The following NCKAP1 variants were observed in gnomAD, a reference collection of about 807,000 sequenced individuals.
The protein encoded by NCKAP1 is NCK associated protein 1.
Under a neutral mutation model 151.2 loss-of-function variants are expected in NCKAP1, and 21 were observed. The ratio of observed to expected loss-of-function variants is 0.14; its 90% CI spans 0.10 to 0.20. The LOEUF (loss-of-function observed/expected upper bound fraction) is 0.20. Among genes scored for constraint, NCKAP1 ranks in the 10% least tolerant of loss-of-function variants. NCKAP1 has a pLI of 1.00. For missense variants in NCKAP1, 933 were observed against 1,352.1 expected, an observed-to-expected ratio of 0.69 and a Z score of 4.86; for synonymous variants, 484 against 451.8, an observed-to-expected ratio of 1.07 and a Z score of -0.90.
chr2:182,950,123 T>C (rs1269664528), intron 23 of NCKAP1, among the ~76,000 whole-genome samples: 1 of 151,990 alleles, frequency 6.6e-6, no homozygotes, highest in Non-Finnish European at 1.5e-5. Flanking sequence ...TAGTTTGAAA[T>C]GACACAACAG....
chr2:182,960,330 T>A (rs1043310380), intron 18 of NCKAP1, among the ~76,000 whole-genome samples: 1 of 152,204 alleles, frequency 6.6e-6, no homozygotes, highest in Non-Finnish European at 1.5e-5. Flanking sequence ...GACTTCAAAC[T>A]ATATTACAAG....
intron 16 of NCKAP1, among the ~76,000 whole-genome samples, chr2:182,966,437 C>G (rs1356861034): frequency 2.0e-5 from 3 of 152,028 alleles, no homozygotes; most frequent in African/African-American, 7.2e-5. Flanking sequence ...CAGGCACACA[C>G]CACCACGTCC....
At chr2:182,962,138 T>C (rs376924289) in intron 18 of NCKAP1, 21 bp downstream of exon 18, 9 of 1,566,784 alleles carry the variant, frequency 5.7e-6, no homozygotes, top group Non-Finnish European at 7.8e-6. Context: ...TCCTATCTGT[T>C]GGAAACACTT....
intron 1 of NCKAP1, among the ~76,000 whole-genome samples, chr2:183,030,604 G>A (rs1166991143): frequency 6.6e-6 from 1 of 152,062 alleles, no homozygotes; most frequent in Admixed American, 6.6e-5. Context: ...ATTTAGACTC[G>A]AAAGAGGAAT....
intron 26 of NCKAP1, 56 bp from the exon 27 acceptor site, chr2:182,930,844 A>G: frequency 1.4e-6 from 2 of 1,471,372 alleles, no homozygotes; most frequent in Non-Finnish European, 1.9e-6. Context: ...TTTCTGAGAA[A>G]GCTCACTGTT....
intron 23 of NCKAP1, among the ~76,000 whole-genome samples, chr2:182,945,194 C>T (rs565265162): frequency 4.0e-5 from 6 of 151,778 alleles, no homozygotes; most frequent in Non-Finnish European, 8.8e-5. Flanking sequence ...GAGATTGTGC[C>T]ATTGCACTCC....
rs1275557850 is a variant in NCKAP1 at position 182,918,774 on chromosome 2, C to T, written c.*6928G>A. The stretch of plus-strand genomic sequence containing the variant: ...GTGACAGGTACACTAAAACCTCAGA[C>T]TTCACCAATGTATGATTCATCCATG... On this transcript the variant is annotated 3_prime_UTR_variant, in exon 31 of 31. Coordinates refer to ENST00000361354, the MANE Select transcript of NCKAP1 (RefSeq NM_013436.5). The T allele has an allele frequency of 6.6e-6, 1 of 152,180 alleles. No homozygotes were observed. The highest frequency in any genetic ancestry group is 2.4e-5 in the African/African-American group (1 of 41,440). The allele number at this position is 152,180 out of a possible 1,614,324, so 9.4% of individuals were successfully genotyped here.
At position 182,964,698 on chromosome 2, in the gene NCKAP1, G is replaced by A. The variant is rs1343815732; in HGVS notation, c.1739C>T (p.Thr580Met). ...PLLCTHFMSC[T>M]HELCPEERHH... ...TACCTCTTCTGGACATAGTTCATGCGTGCAACTCATAAAATGAGTGCAAAG... is the reference window on the plus strand; with the variant it reads ...TACCTCTTCTGGACATAGTTCATGCATGCAACTCATAAAATGAGTGCAAAG... The change falls in exon 17 of 31, where the codon ACG becomes ATG. Residue 580 changes from threonine (T) to methionine (M), a missense_variant. Around this residue, in one of 2 missense-constraint regions of NCKAP1, gnomAD observed 607 missense variants for 795.0 expected, o/e 0.76. Coordinates refer to ENST00000361354, the MANE Select transcript of NCKAP1 (RefSeq NM_013436.5). 1.9e-6 allele frequency: 3 copies of A among 1,603,112 alleles called. No individual in the cohort carries two copies. Among genetic ancestry groups the A allele is most frequent in the Non-Finnish European group, 2.6e-6 (3 of 1,174,544 alleles).
At chr2:183,030,760 T>C (rs1698990695) in intron 1 of NCKAP1, among the ~76,000 whole-genome samples, 1 of 152,228 alleles carries the variant, frequency 6.6e-6, no homozygotes. Flanking sequence ...GTAAAAGTAA[T>C]ATATACCTAT....
chr2:182,948,687 A>T (rs548538323), intron 23 of NCKAP1, among the ~76,000 whole-genome samples: 18 of 152,324 alleles, frequency 1.2e-4, no homozygotes, highest in African/African-American at 4.3e-4. Flanking sequence ...GCATACACTC[A>T]GGTCTAAAAA....
At chr2:182,952,951 G>A in intron 21 of NCKAP1, 28 bp from the exon 22 acceptor site, 1 of 1,592,268 alleles carries the variant, frequency 6.3e-7, no homozygotes, top group African/African-American at 1.4e-5. Flanking sequence ...CTTATAACCG[G>A]AAGAAACTGC....
At chr2:183,030,433 A>G (rs1698982883) in intron 1 of NCKAP1, among the ~76,000 whole-genome samples, 3 of 152,240 alleles carry the variant, frequency 2.0e-5, no homozygotes, top group Admixed American at 2.0e-4. Context: ...GAAAAATGCC[A>G]AAATAGGGAA....
chr2:183,038,192 C>A lies in NCKAP1; in HGVS notation c.-93G>T. ...CAGCCTCTCTCGGGCCTCCTCCCCT[C>A]CCGCCCGCGACCTCCGCCTTAGGAG... On this transcript the variant is annotated 5_prime_UTR_variant, in exon 1 of 31. Transcript: ENST00000361354. 1 of 858,244 alleles carries A rather than the reference C, an allele frequency of 1.2e-6. No individual in the cohort carries two copies. Among genetic ancestry groups the A allele is most frequent in the Non-Finnish European group, 1.7e-6 (1 of 601,376 alleles). 53.2% of individuals were successfully genotyped at this position (858,244 alleles called of 1,614,324 possible). A position where few individuals can be genotyped will look rare whatever the true frequency, so the allele number is the denominator to read the frequency against.
At chr2:182,972,218 T>A in intron 15 of NCKAP1, among the ~76,000 whole-genome samples, 9 of 96,986 alleles carry the variant, frequency 9.3e-5, no homozygotes, top group Non-Finnish European at 1.3e-4. Context: ...TCAAACAGCT[T>A]AATAGCAAAA....
At chr2:182,929,889 C>A (rs1013578306) in intron 27 of NCKAP1, among the ~76,000 whole-genome samples, 6 of 151,830 alleles carry the variant, frequency 4.0e-5, no homozygotes, top group Non-Finnish European at 8.8e-5. Flanking sequence ...GAAATATCTA[C>A]AGGATTCTGA....
At chr2:183,019,046 G>A (rs1698747387) in intron 2 of NCKAP1, among the ~76,000 whole-genome samples, 1 of 152,074 alleles carries the variant, frequency 6.6e-6, no homozygotes, top group African/African-American at 2.4e-5. Context: ...CTATAACTTA[G>A]GAAAACATAA....
At chr2:183,021,379 T>C (rs1350798111) in intron 2 of NCKAP1, among the ~76,000 whole-genome samples, 2 of 152,138 alleles carry the variant, frequency 1.3e-5, no homozygotes, top group African/African-American at 4.8e-5. Context: ...GTGGGAGGAC[T>C]GCTCAAGCCC....
Position 182,991,660 on chromosome 2 carries a change from C to CA in NCKAP1, c.791-2475dup, listed in dbSNP as rs578190632. ...CTTTACCAAAATTAGGATGAAAGGA[C>CA]AAAAAAAAAAAAATTTAAAAGTAGC... On this transcript the variant is annotated intron_variant, in intron 8 of 30. Coordinates refer to ENST00000361354, the MANE Select transcript of NCKAP1 (RefSeq NM_013436.5). Among the ~76,000 whole-genome samples the CA allele has an allele frequency of 1.5e-3, 193 of 132,056 alleles. 2 individuals carry two copies. In the Middle Eastern group the frequency reaches 0.015, roughly 11 times the overall value. The allele number at this position is 132,056 out of a possible 152,430, so 86.6% of individuals were successfully genotyped here. A position where few individuals can be genotyped will look rare whatever the true frequency, so the allele number is the denominator to read the frequency against.
At chr2:183,017,221 G>A (rs913518378) in intron 2 of NCKAP1, among the ~76,000 whole-genome samples, 1 of 152,092 alleles carries the variant, frequency 6.6e-6, no homozygotes, top group African/African-American at 2.4e-5. Context: ...GGGGCGGAGG[G>A]GTGGAGGGTG....
Sources: allele counts gnomAD v4.1 joint callset (sites outside exome capture counted in the v4.1 genomes callset), GRCh38; gene constraint gnomAD v4.1.1; regional missense constraint gnomAD v4.1.1; transcripts MANE v1.5; gene names NCBI Gene and HGNC (gene_info 2026-07-23, HGNC 2026-07-21).